The following RAPGEF5 variants were observed in gnomAD, a reference collection of about 807,000 sequenced individuals.
RAPGEF5 encodes M-Ras-regulated GEF.
A neutral mutation model predicts 125.2 loss-of-function variants in RAPGEF5; 65 were observed. That is an observed-to-expected ratio of 0.52 (90% confidence interval 0.43 to 0.64). The LOEUF (loss-of-function observed/expected upper bound fraction) is 0.64. Among genes scored for constraint, RAPGEF5 ranks in the 30% least tolerant of loss-of-function variants. The pLI, the probability that RAPGEF5 is intolerant of heterozygous loss-of-function variation, is 0.00. For synonymous variants in RAPGEF5, 391 were observed against 385.9 expected (o/e 1.01, Z -0.16); for missense variants, 958 against 1,048.1 (o/e 0.91, Z 1.19).
At chr7:22,176,036 G>A (rs368798849) in intron 11 of RAPGEF5, among the ~76,000 whole-genome samples, 17 of 152,184 alleles carry the variant, frequency 1.1e-4, no homozygotes, top group African/African-American at 3.6e-4. Context: ...AAGGAAAGAC[G>A]TTTAAAGGAC....
At chr7:22,168,790 A>G (rs887088415) in intron 11 of RAPGEF5, among the ~76,000 whole-genome samples, 2 of 152,218 alleles carry the variant, frequency 1.3e-5, no homozygotes, top group African/African-American at 4.8e-5. Context: ...CCTAATCCAC[A>G]TAGGTAAGTG....
At chr7:22,319,033 T>C (rs1783660932) in intron 1 of RAPGEF5, among the ~76,000 whole-genome samples, 1 of 152,232 alleles carries the variant, frequency 6.6e-6, no homozygotes, top group Non-Finnish European at 1.5e-5. Context: ...CTTAATATTA[T>C]TTGCTGAATG....
At chr7:22,271,972 G>A (rs1782437858) in intron 6 of RAPGEF5, among the ~76,000 whole-genome samples, 2 of 152,146 alleles carry the variant, frequency 1.3e-5, no homozygotes, top group Admixed American at 6.5e-5. Flanking sequence ...CCATGGGAGA[G>A]GTTAACTGAG....
intron 21 of RAPGEF5, among the ~76,000 whole-genome samples, chr7:22,139,057 A>T (rs1195837531): frequency 6.6e-6 from 1 of 152,218 alleles, no homozygotes; most frequent in Non-Finnish European, 1.5e-5. Flanking sequence ...GCATTCCTTC[A>T]GGGTATGACC....
intron 9 of RAPGEF5, among the ~76,000 whole-genome samples, chr7:22,196,871 A>G (rs1583473227): frequency 6.6e-6 from 1 of 152,228 alleles, no homozygotes; most frequent in Non-Finnish European, 1.5e-5. Flanking sequence ...TCAAGGGTAG[A>G]GACAAATTTA....
intron 13 of RAPGEF5, among the ~76,000 whole-genome samples, chr7:22,161,835 T>A (rs777795501): frequency 6.6e-6 from 1 of 152,182 alleles, no homozygotes; most frequent in Non-Finnish European, 1.5e-5. Context: ...GCAGACTTAA[T>A]ATGATTTTGG....
chr7:22,182,180 AT>A (rs1784694463), intron 11 of RAPGEF5, among the ~76,000 whole-genome samples: 1 of 152,194 alleles, frequency 6.6e-6, no homozygotes, highest in Admixed American at 6.6e-5. Context: ...TGTCATAAAC[AT>A]TTTAAAATTC....
chr7:22,127,906 T>C (rs1782799121), intron 24 of RAPGEF5, among the ~76,000 whole-genome samples: 2 of 152,200 alleles, frequency 1.3e-5, no homozygotes, highest in African/African-American at 4.8e-5. Context: ...TAGTGGAAAA[T>C]TGAATAGGAC....
intron 7 of RAPGEF5, 73 bp from the exon 8 acceptor site, chr7:22,230,992 C>A (rs963388065): frequency 1.3e-5 from 17 of 1,350,634 alleles, no homozygotes; most frequent in African/African-American, 2.9e-5. Flanking sequence ...TCTTTCAGAT[C>A]GCAATTTAGC....
chr7:22,265,362 T>C (rs1001072284), intron 7 of RAPGEF5, among the ~76,000 whole-genome samples: 20 of 152,178 alleles, frequency 1.3e-4, no homozygotes, highest in Non-Finnish European at 2.6e-4. Context: ...GCAGTATTTG[T>C]CTTTCTGTGC....
At chr7:22,232,500 A>T (rs546496004) in intron 7 of RAPGEF5, among the ~76,000 whole-genome samples, 83 of 151,970 alleles carry the variant, frequency 5.5e-4, no homozygotes, top group African/African-American at 1.9e-3. Flanking sequence ...TTGTATTTTT[A>T]ATAGAGACAG....
intron 7 of RAPGEF5, among the ~76,000 whole-genome samples, chr7:22,237,196 A>G (rs1214789867): frequency 6.6e-6 from 1 of 152,188 alleles, no homozygotes; most frequent in East Asian, 1.9e-4. Context: ...TCCTAGCCCA[A>G]CAAAGCTCTT....
intron 23 of RAPGEF5, among the ~76,000 whole-genome samples, chr7:22,133,963 G>A (rs529187571): frequency 1.3e-5 from 2 of 152,258 alleles, no homozygotes; most frequent in South Asian, 4.2e-4. Context: ...GCAATATGGG[G>A]GGCCTAATCC....
At chr7:22,133,493 C>A (rs963550812) in intron 23 of RAPGEF5, among the ~76,000 whole-genome samples, 6 of 152,186 alleles carry the variant, frequency 3.9e-5, no homozygotes, top group Non-Finnish European at 8.8e-5. Flanking sequence ...GACACCTGAA[C>A]ACACCCCAAA....
intron 8 of RAPGEF5, among the ~76,000 whole-genome samples, chr7:22,221,946 TAAAA>T (rs199782373): frequency 1.3e-5 from 2 of 150,926 alleles, no homozygotes; most frequent in African/African-American, 4.9e-5. Flanking sequence ...GTAGTGAACA[TAAAA>T]AAAAACAAAG....
chr7:22,216,237 G>C (rs1437954900), intron 9 of RAPGEF5, among the ~76,000 whole-genome samples: 2 of 152,128 alleles, frequency 1.3e-5, no homozygotes, highest in East Asian at 1.9e-4. Flanking sequence ...AGCAATGCCA[G>C]AGAGATCTTA....
At chr7:22,172,218 G>A (rs1178226722) in intron 11 of RAPGEF5, among the ~76,000 whole-genome samples, 1 of 151,904 alleles carries the variant, frequency 6.6e-6, no homozygotes, top group Non-Finnish European at 1.5e-5. Flanking sequence ...CGCCTCCTGG[G>A]TTCAAGCTAT....
intron 8 of RAPGEF5, among the ~76,000 whole-genome samples, chr7:22,223,413 G>A (rs963621462): frequency 1.3e-5 from 2 of 152,172 alleles, no homozygotes; most frequent in African/African-American, 2.4e-5. Context: ...CTTTATTAAC[G>A]TGAGTTCAAC....
chr7:22,203,773 C>A (rs754082676), intron 9 of RAPGEF5, among the ~76,000 whole-genome samples: 2 of 152,166 alleles, frequency 1.3e-5, no homozygotes, highest in Non-Finnish European at 2.9e-5. Context: ...CTCAGCAGTG[C>A]CTCAGTTCCC....
Sources: allele counts gnomAD v4.1 joint callset (sites outside exome capture counted in the v4.1 genomes callset), GRCh38; gene constraint gnomAD v4.1.1; transcripts MANE v1.5; gene names NCBI Gene and HGNC (gene_info 2026-07-23, HGNC 2026-07-21).